Variants in SYTL2 observed in about 807,000 individuals in gnomAD.
The protein encoded by SYTL2 is synaptotagmin like 2.
SYTL2 carries 165 observed loss-of-function variants against 198.7 expected under a neutral mutation model. The ratio of observed to expected loss-of-function variants is 0.83; its 90% CI spans 0.73 to 0.94. The LOEUF (loss-of-function observed/expected upper bound fraction) is 0.94, where lower values mean the gene tolerates loss of function less well. Among genes scored for constraint, SYTL2 ranks in the 40% least tolerant of loss-of-function variants. SYTL2 has a pLI of 0.00. For missense variants in SYTL2, 2,835 were observed against 2,582.8 expected (o/e 1.10, Z -2.12); for synonymous variants, 966 against 917.7 (o/e 1.05, Z -0.95).
At position 85,725,073 on chromosome 11, in the gene SYTL2, C is replaced by T; in HGVS notation, c.4285G>A (p.Asp1429Asn). The change falls in exon 8 of 20, where the codon GAC becomes AAC. Residue 1429 changes from aspartate (D) to asparagine (N), a missense_variant. Physicochemically the swap from Asp to Asn is conservative, Grantham distance 23. Coordinates refer to ENST00000359152, the MANE Select transcript of SYTL2 (RefSeq NM_206927.4). ...PWATMDTIVP[D>N]RKDFYSSNVV... Reference sequence around the variant, plus strand: ...TTGGAGGAATAAAAATCCTTCCTGTCTGGAACTATGGTGTCCATCGTAGCC... The same window carrying T: ...TTGGAGGAATAAAAATCCTTCCTGTTTGGAACTATGGTGTCCATCGTAGCC... 1 of 1,614,194 alleles carries T rather than the reference C, an allele frequency of 6.2e-7. No homozygotes were observed.
intron 4 of SYTL2, 73 bp downstream of exon 4, chr11:85,745,564 G>A (rs1198317670): frequency 2.6e-6 from 4 of 1,531,006 alleles, no homozygotes; most frequent in Admixed American, 1.7e-5. Context: ...CTCATAGCCT[G>A]CCATTCTGCC....
At chr11:85,718,215 A>T (rs1425226337) in intron 10 of SYTL2, 1 of 166,380 alleles carries the variant, frequency 6.0e-6, no homozygotes, top group Admixed American at 5.6e-5. Flanking sequence ...TATTCATCTT[A>T]TAACAGAGCC....
Position 85,707,444 on chromosome 11 carries a change from A to G in SYTL2, c.6003T>C (p.Tyr2001=). The change falls in exon 15 of 20, where the codon TAT becomes TAC. Residue 2001 remains tyrosine, a synonymous_variant. Coordinates refer to ENST00000359152, the MANE Select transcript of SYTL2 (RefSeq NM_206927.4). ...TCATAGATACCCGCAGTATTTCGTT[A>G]TACACAGGATTCAAGGTTTTCTTCA... ...LVVKKTLNPV[Y]NEILRYKIEK... is the part of the protein sequence containing the mutation. 6.2e-7 allele frequency: 1 copy of G among 1,613,594 alleles called. No homozygotes were observed. The highest frequency in any genetic ancestry group is 1.1e-5 in the South Asian group (1 of 91,032).
chr11:85,705,636 C>G (rs1411724335), intron 15 of SYTL2, among the ~76,000 whole-genome samples: 1 of 152,188 alleles, frequency 6.6e-6, no homozygotes, highest in Non-Finnish European at 1.5e-5. Flanking sequence ...TTTTTCATCT[C>G]AAATGTAGTC....
intron 16 of SYTL2, among the ~76,000 whole-genome samples, chr11:85,703,025 T>C (rs2084584267): frequency 6.6e-6 from 1 of 152,210 alleles, no homozygotes; most frequent in Admixed American, 6.5e-5. Context: ...GTAGATGGTT[T>C]TAACAACAGA....
At chr11:85,850,342 A>C in the SYTL2 span, among the ~76,000 whole-genome samples, 2 of 152,226 alleles carry the variant, frequency 1.3e-5, no homozygotes, top group African/African-American at 4.8e-5. Flanking sequence ...AAAAACAAAC[A>C]ACCCCATCAA....
chr11:85,828,871 T>C, the SYTL2 span, among the ~76,000 whole-genome samples: 3 of 152,238 alleles, frequency 2.0e-5, no homozygotes, highest in Non-Finnish European at 2.9e-5. Flanking sequence ...ATCAAGTAAA[T>C]AGTGGTTAAG....
At position 85,694,322 on chromosome 11, in the gene SYTL2, T is replaced by C. The variant is rs2083142649; in HGVS notation, c.*873A>G. The C allele has an allele frequency of 1.3e-5, 2 of 152,198 alleles. No homozygotes were observed. The highest frequency in any genetic ancestry group is 1.3e-4 in the Admixed American group (2 of 15,278). 9.4% of individuals were successfully genotyped at this position (152,198 alleles called of 1,614,324 possible). On this transcript the variant is annotated 3_prime_UTR_variant, in exon 20 of 20. Transcript: ENST00000359152. ...AATGATAATTTATTCTAAGGGTTTT[T>C]ACAAAATACGAAAATTTTACATACA... is the stretch of plus-strand genomic sequence containing the variant.
chr11:85,758,298 G>A (rs970458025), intron 1 of SYTL2, among the ~76,000 whole-genome samples, 184 bp from the exon 2 acceptor site: 1 of 152,110 alleles, frequency 6.6e-6, no homozygotes, highest in Non-Finnish European at 1.5e-5. Context: ...TATTCCAGAC[G>A]GCCAAGATGG....
At chr11:85,763,359 A>T (rs986988422) in intron 1 of SYTL2, among the ~76,000 whole-genome samples, 1 of 152,230 alleles carries the variant, frequency 6.6e-6, no homozygotes. Context: ...CTTCTTGTCA[A>T]TTGTCCAAAA....
At position 85,808,853 on chromosome 11, in the gene SYTL2, C is replaced by T. The variant is rs925279413; in HGVS notation, c.-390+2101G>A. Among the ~76,000 whole-genome samples, 17 of 149,934 alleles carry T rather than the reference C, an allele frequency of 1.1e-4. No homozygotes were observed. The East Asian group carries it at 2.2e-3, about 19-fold the overall frequency. Reference sequence around the variant, plus strand: ...CCCCAACTTTTGAGAGAGTGACAACCTCATTAATACCAAGTAAGTTTTCCT... The same window carrying T: ...CCCCAACTTTTGAGAGAGTGACAACTTCATTAATACCAAGTAAGTTTTCCT... On this transcript the variant is annotated intron_variant, in intron 1 of 19. Coordinates refer to ENST00000359152, the MANE Select transcript of SYTL2 (RefSeq NM_206927.4).
intron 17 of SYTL2, among the ~76,000 whole-genome samples, chr11:85,698,888 T>G (rs2083826723): frequency 1.3e-5 from 2 of 152,174 alleles, no homozygotes; most frequent in Admixed American, 1.3e-4. Context: ...TACGTAATAG[T>G]TAATATTATG....
chr11:85,792,376 C>G (rs939878423), intron 1 of SYTL2, among the ~76,000 whole-genome samples: 1 of 152,036 alleles, frequency 6.6e-6, no homozygotes, highest in Non-Finnish European at 1.5e-5. Flanking sequence ...TGTTCTAAGT[C>G]AAGGATGTTC....
chr11:85,777,919 A>C (rs1414746809), intron 1 of SYTL2, among the ~76,000 whole-genome samples: 1 of 139,508 alleles, frequency 7.2e-6, no homozygotes, highest in Non-Finnish European at 1.5e-5. Context: ...CTCCCTATTC[A>C]AGTGATTCTC....
chr11:85,717,683 T>C (rs979277026), intron 10 of SYTL2, 153 bp from the exon 11 acceptor site: 2 of 701,458 alleles, frequency 2.9e-6, no homozygotes, highest in African/African-American at 1.8e-5. Context: ...TCACTGTGAC[T>C]CTTCTTCATT....
intron 9 of SYTL2, chr11:85,719,394 T>C: frequency 1.0e-6 from 1 of 997,508 alleles, no homozygotes; most frequent in Non-Finnish European, 1.2e-6. Flanking sequence ...CGTCAGCTGA[T>C]GGTGATTTTT....
At chr11:85,826,969 T>A in the SYTL2 span, among the ~76,000 whole-genome samples, 241 of 152,270 alleles carry the variant, frequency 1.6e-3, no homozygotes, top group Non-Finnish European at 3.1e-3. Context: ...CCCTGAGTGT[T>A]TTCAGTCAGG....
chr11:85,759,208 T>C (rs2092013564), intron 1 of SYTL2, among the ~76,000 whole-genome samples: 1 of 141,306 alleles, frequency 7.1e-6, no homozygotes, highest in African/African-American at 2.7e-5. Flanking sequence ...ATCACACCAC[T>C]GCACTCCAGC....
At chr11:85,833,273 T>G in the SYTL2 span, among the ~76,000 whole-genome samples, 1 of 149,048 alleles carries the variant, frequency 6.7e-6, no homozygotes, top group African/African-American at 2.4e-5. Context: ...GACTCCATTA[T>G]GTAGGTATTT....
Sources: gnomAD v4.1 joint callset for allele counts (sites outside exome capture counted in the v4.1 genomes callset) on GRCh38, gnomAD v4.1.1 for gene constraint, MANE v1.5 for transcripts, NCBI Gene and HGNC (gene_info 2026-07-23, HGNC 2026-07-21) for gene names.